Variants in WDR11 observed in about 807,000 individuals in gnomAD.
WDR11 encodes the protein WD repeat domain 11, also known as WD repeat-containing protein 11.
A neutral mutation model predicts 151.2 loss-of-function variants in WDR11; 83 were observed. That is an observed-to-expected ratio of 0.55 (90% CI 0.46 to 0.66). The LOEUF (loss-of-function observed/expected upper bound fraction) is 0.66. Among genes scored for constraint, WDR11 ranks in the 30% least tolerant of loss-of-function variants. The probability of loss-of-function intolerance (pLI) is 0.00; values close to 1 mark genes in which losing one functional copy is unlikely to be tolerated. For missense variants in WDR11, 1,301 were observed against 1,480.9 expected (o/e 0.88, Z 1.99); for synonymous variants, 484 against 533.1 (o/e 0.91, Z 1.27).
At chr10:120,872,682 A>G (rs1457478070) in intron 10 of WDR11, among the ~76,000 whole-genome samples, 2 of 152,170 alleles carry the variant, frequency 1.3e-5, no homozygotes, top group Admixed American at 1.3e-4. Context: ...TAGGTTCAGC[A>G]TTGTTAAAAC....
chr10:120,875,913 C>T (rs2133766728), intron 11 of WDR11, among the ~76,000 whole-genome samples: 1 of 151,886 alleles, frequency 6.6e-6, no homozygotes, highest in East Asian at 1.9e-4. Flanking sequence ...CTCAGTGAAC[C>T]CTTAGCAAAC....
intron 2 of WDR11, among the ~76,000 whole-genome samples, chr10:120,853,563 C>T (rs1458030701): frequency 6.6e-6 from 1 of 152,152 alleles, no homozygotes; most frequent in Non-Finnish European, 1.5e-5. Context: ...CCGCGCCCAG[C>T]AGGAATTTGG....
chr10:120,855,072 A>G (rs1845901671), intron 2 of WDR11, among the ~76,000 whole-genome samples: 1 of 152,232 alleles, frequency 6.6e-6, no homozygotes, highest in Non-Finnish European at 1.5e-5. Context: ...AAGTTTATAA[A>G]TTAGGCATAA....
chr10:120,865,931 G>A, intron 7 of WDR11, among the ~76,000 whole-genome samples, 187 bp downstream of exon 7: 1 of 151,792 alleles, frequency 6.6e-6, no homozygotes, highest in Non-Finnish European at 1.5e-5. Flanking sequence ...TTAAAACAGT[G>A]CACCTCCTGT....
intron 7 of WDR11, among the ~76,000 whole-genome samples, chr10:120,866,305 T>A (rs368210607): frequency 5.9e-5 from 9 of 152,316 alleles, no homozygotes; most frequent in African/African-American, 2.2e-4. Flanking sequence ...TTGATCCTTT[T>A]TCAAAGTATC....
At chr10:120,906,708 C>G in intron 27 of WDR11, 68 bp from the exon 28 acceptor site, 1 of 1,613,172 alleles carries the variant, frequency 6.2e-7, no homozygotes, top group Non-Finnish European at 8.5e-7. Flanking sequence ...TCTTTATACC[C>G]TTCGATGCTG....
chr10:120,890,156 C>T (rs1847378505), intron 18 of WDR11, 147 bp downstream of exon 18: 1 of 635,100 alleles, frequency 1.6e-6, no homozygotes. Context: ...CTTTACTTTA[C>T]AGTATTTGTG....
chr10:120,880,037 A>C (rs1432872419), intron 12 of WDR11: 1 of 152,212 alleles, frequency 6.6e-6, no homozygotes, highest in African/African-American at 2.4e-5. Flanking sequence ...CAAAATATTT[A>C]ACTAGTATTT....
intron 13 of WDR11, among the ~76,000 whole-genome samples, chr10:120,881,655 C>T (rs964788382): frequency 1.9e-4 from 29 of 152,062 alleles, no homozygotes; most frequent in Admixed American, 1.1e-3. Context: ...TTTTAAATTT[C>T]AATTATTTAT....
Position 120,851,379 on chromosome 10 carries a change from C to T in WDR11, c.-42C>T. On this transcript the variant is annotated 5_prime_UTR_variant, in exon 1 of 29. Coordinates refer to ENST00000263461, the MANE Select transcript of WDR11 (RefSeq NM_018117.12). ...ACGGAAGCACAGTGTCCGCCGCTTC[C>T]TGGTTGCGGGTCAGCGCCCAGGTCC... is the stretch of plus-strand genomic sequence containing the variant. 1.9e-6 allele frequency: 3 copies of T among 1,576,074 alleles called. No homozygotes were observed. The highest frequency in any genetic ancestry group is 2.7e-5 in the African/African-American group (2 of 74,614).
intron 8 of WDR11, 132 bp from the exon 9 acceptor site, chr10:120,866,934 C>A (rs1846335669): frequency 9.6e-7 from 1 of 1,039,498 alleles, no homozygotes; most frequent in African/African-American, 1.6e-5. Flanking sequence ...AGAGCTATTT[C>A]ACCTATGGGT....
At chr10:120,860,039 G>A (rs932089785) in intron 3 of WDR11, 70 bp from the exon 4 acceptor site, 28 of 1,575,712 alleles carry the variant, frequency 1.8e-5, no homozygotes, top group African/African-American at 4.0e-5. Flanking sequence ...TAAATATCAA[G>A]GACAAGTTAG....
chr10:120,888,245 T>C (rs1847293606), intron 16 of WDR11, among the ~76,000 whole-genome samples: 1 of 152,262 alleles, frequency 6.6e-6, no homozygotes, highest in African/African-American at 2.4e-5. Context: ...GGCCTTTGCC[T>C]TTATAAATTT....
chr10:120,894,304 T>C lies in WDR11; in HGVS notation c.2515+3417T>C, dbSNP rs148471157. Among the ~76,000 whole-genome samples, 50 of 152,336 alleles carry C rather than the reference T, an allele frequency of 3.3e-4. 1 individual carries two copies. The East Asian group carries it at 9.5e-3, about 29-fold the overall frequency. ...CACATTTTTCCTAAGTAAGCATATA[T>C]AGAAAGAAGCTTTCTGAAATCAGAT... is the stretch of plus-strand genomic sequence containing the variant. On this transcript the variant is annotated intron_variant, in intron 19 of 28. Transcript: ENST00000263461.
At chr10:120,864,994 T>C in intron 5 of WDR11, 53 bp from the exon 6 acceptor site, 6 of 1,572,704 alleles carry the variant, frequency 3.8e-6, no homozygotes, top group Non-Finnish European at 5.2e-6. Flanking sequence ...AATCTTTTAT[T>C]AGGTCTGATA....
Position 120,904,146 on chromosome 10 carries a change from T to C in WDR11, c.3027+4T>C, listed in dbSNP as rs1009427479. On this transcript the variant is annotated splice_donor_region_variant and intron_variant, in intron 24 of 28. Coordinates refer to ENST00000263461, the MANE Select transcript of WDR11 (RefSeq NM_018117.12). ...CCAGCTACTGCTCTTGGGTCAAGTA[T>C]GTCAGTTTTTATAACTCTACATGCT... 6.2e-7 allele frequency: 1 copy of C among 1,603,690 alleles called. No homozygotes were observed. Among genetic ancestry groups the C allele is most frequent in the African/African-American group, 1.3e-5 (1 of 74,662 alleles).
intron 19 of WDR11, among the ~76,000 whole-genome samples, chr10:120,896,311 G>A (rs1442852358): frequency 6.6e-6 from 1 of 152,176 alleles, no homozygotes; most frequent in African/African-American, 2.4e-5. Flanking sequence ...AGAAACCAAT[G>A]AGAATAGTTA....
intron 22 of WDR11, 139 bp from the exon 23 acceptor site, chr10:120,902,916 C>T: frequency 2.3e-6 from 2 of 887,950 alleles, no homozygotes; most frequent in South Asian, 2.9e-5. Context: ...GCTGCCTCCC[C>T]CTTTCACCCT....
chr10:120,867,439 G>A (rs1189527045), intron 9 of WDR11, among the ~76,000 whole-genome samples: 1 of 152,182 alleles, frequency 6.6e-6, no homozygotes, highest in Non-Finnish European at 1.5e-5. Context: ...ATGACATTAG[G>A]CATCTGGATT....
Sources: allele counts gnomAD v4.1 joint callset (sites outside exome capture counted in the v4.1 genomes callset), GRCh38; gene constraint gnomAD v4.1.1; transcripts MANE v1.5; gene names NCBI Gene and HGNC (gene_info 2026-07-23, HGNC 2026-07-21).